EBF1: variants seen among roughly 807,000 people sequenced by gnomAD.
EBF1 encodes the protein transcription factor COE1.
EBF1 carries 10 observed loss-of-function variants against 68.4 expected under a neutral mutation model. The ratio of observed to expected loss-of-function variants is 0.15; its 90% CI spans 0.09 to 0.25. The LOEUF is 0.25. Ranked by LOEUF, EBF1 falls within the 10% of genes least tolerant of loss-of-function variation. EBF1 has a pLI of 1.00. For synonymous variants in EBF1, 298 were observed against 299.8 expected (o/e 0.99, Z 0.06); for missense variants, 509 against 794.4 (o/e 0.64, Z 4.32).
chr5:158,837,848 G>A (rs1789182881), intron 7 of EBF1, among the ~76,000 whole-genome samples: 1 of 152,132 alleles, frequency 6.6e-6, no homozygotes, highest in African/African-American at 2.4e-5. Context: ...TTAGGCATTA[G>A]ACATGTTTAT....
At chr5:158,907,846 C>T (rs550900377) in intron 6 of EBF1, among the ~76,000 whole-genome samples, 7 of 151,922 alleles carry the variant, frequency 4.6e-5, no homozygotes, top group South Asian at 4.2e-4. Context: ...TTGTTCTCAG[C>T]GCATTTATCA....
chr5:158,728,181 C>T (rs1057022522), intron 11 of EBF1, among the ~76,000 whole-genome samples: 12 of 152,288 alleles, frequency 7.9e-5, no homozygotes, highest in South Asian at 4.1e-4. Flanking sequence ...ACTCTCGCTC[C>T]ACTTTAACAT....
chr5:158,735,638 T>C (rs1450278588), intron 10 of EBF1, among the ~76,000 whole-genome samples: 3 of 152,204 alleles, frequency 2.0e-5, no homozygotes, highest in Non-Finnish European at 4.4e-5. Flanking sequence ...GATGTATCTG[T>C]TGTATGCACC....
At chr5:158,959,076 G>A (rs972164611) in intron 6 of EBF1, among the ~76,000 whole-genome samples, 1 of 152,058 alleles carries the variant, frequency 6.6e-6, no homozygotes, top group Non-Finnish European at 1.5e-5. Context: ...TTATTTAAAG[G>A]ACTTCAGTGA....
intron 6 of EBF1, among the ~76,000 whole-genome samples, chr5:159,063,819 T>G (rs1316399154): frequency 1.3e-5 from 2 of 152,200 alleles, no homozygotes; most frequent in African/African-American, 4.8e-5. Flanking sequence ...CTACCTGATT[T>G]TAAGCACCTG....
chr5:158,812,760 T>C (rs1259109671), intron 8 of EBF1, among the ~76,000 whole-genome samples: 3 of 152,148 alleles, frequency 2.0e-5, no homozygotes, highest in Non-Finnish European at 4.4e-5. Flanking sequence ...CCGTATGTAT[T>C]ATCATAATGC....
chr5:158,832,183 T>C (rs1329110103), intron 7 of EBF1, among the ~76,000 whole-genome samples: 1 of 152,242 alleles, frequency 6.6e-6, no homozygotes, highest in Non-Finnish European at 1.5e-5. Flanking sequence ...CTTTAATGTA[T>C]TTTACATTTC....
chr5:158,700,734 CAT>C (rs762483982), intron 15 of EBF1, among the ~76,000 whole-genome samples: 6 of 151,994 alleles, frequency 3.9e-5, no homozygotes, highest in Non-Finnish European at 8.8e-5. Context: ...ATTCAATCCA[CAT>C]GTTTCTGATT....
chr5:159,016,726 G>A (rs1007006450), intron 6 of EBF1, among the ~76,000 whole-genome samples: 23 of 152,136 alleles, frequency 1.5e-4, no homozygotes, highest in African/African-American at 4.8e-4. Context: ...CTAGCCAATC[G>A]AAACCTGAGC....
chr5:158,708,299 C>A lies in EBF1; in HGVS notation c.1550-126G>T, dbSNP rs909490760. 6.3e-6 allele frequency: 6 copies of A among 957,044 alleles called. No homozygotes were observed. In the African/African-American group the frequency reaches 1.0e-4, roughly 16 times the overall value. The allele number at this position is 957,044 out of a possible 1,614,324, so 59.3% of individuals were successfully genotyped here. On this transcript the variant is annotated intron_variant, in intron 14 of 15. Coordinates refer to ENST00000313708, the MANE Select transcript of EBF1 (RefSeq NM_024007.5). ...GCTCAGACGATGCTTCCAGCACAAA[C>A]CTTCCCTGAATTCGCAGGCTCTCAT...
intron 6 of EBF1, among the ~76,000 whole-genome samples, chr5:158,878,913 G>T (rs2128083853): frequency 6.6e-6 from 1 of 152,256 alleles, no homozygotes; most frequent in East Asian, 1.9e-4. Flanking sequence ...CAAAGTGCTT[G>T]CTGGGAGTAC....
chr5:159,009,542 G>A (rs1006500226), intron 6 of EBF1, among the ~76,000 whole-genome samples: 3 of 152,032 alleles, frequency 2.0e-5, no homozygotes, highest in African/African-American at 4.8e-5. Context: ...CTATGAATAC[G>A]AAAAAGATGG....
At chr5:158,789,211 G>A (rs1029839715) in intron 9 of EBF1, among the ~76,000 whole-genome samples, 1 of 151,698 alleles carries the variant, frequency 6.6e-6, no homozygotes, top group Admixed American at 6.6e-5. Context: ...AACATATTTA[G>A]AAAAAAATAG....
chr5:158,820,234 C>T (rs1784558946), intron 8 of EBF1, among the ~76,000 whole-genome samples: 1 of 151,758 alleles, frequency 6.6e-6, no homozygotes, highest in Non-Finnish European at 1.5e-5. Flanking sequence ...ACATGCTTTG[C>T]CGTCTCACCA....
At chr5:158,917,867 A>G (rs1368984461) in intron 6 of EBF1, among the ~76,000 whole-genome samples, 1 of 152,186 alleles carries the variant, frequency 6.6e-6, no homozygotes, top group Non-Finnish European at 1.5e-5. Flanking sequence ...CCATGCAGCA[A>G]AGAGGAAAGG....
chr5:158,710,948 A>G (rs1372948206), intron 14 of EBF1, among the ~76,000 whole-genome samples: 1 of 152,338 alleles, frequency 6.6e-6, no homozygotes, highest in East Asian at 1.9e-4. Context: ...GAGCGAGATC[A>G]AGAGATTGTG....
At chr5:158,855,889 C>T (rs1040692304) in intron 6 of EBF1, among the ~76,000 whole-genome samples, 1 of 152,230 alleles carries the variant, frequency 6.6e-6, no homozygotes, top group Non-Finnish European at 1.5e-5. Flanking sequence ...TGGGACACCC[C>T]CTGCCCTGCT....
chr5:159,023,176 C>A (rs1767044702), intron 6 of EBF1, among the ~76,000 whole-genome samples: 1 of 128,582 alleles, frequency 7.8e-6, no homozygotes, highest in Non-Finnish European at 1.7e-5. Flanking sequence ...CATCAGATGC[C>A]AGAATTTTCT....
At chr5:158,731,239 A>T in intron 10 of EBF1, 82 bp from the exon 11 acceptor site, 2 of 1,309,324 alleles carry the variant, frequency 1.5e-6, no homozygotes, top group East Asian at 4.8e-5. Flanking sequence ...GTGTGGAAAT[A>T]ACCAGGAAGT....
Sources: allele counts gnomAD v4.1 joint callset (sites outside exome capture counted in the v4.1 genomes callset), GRCh38; gene constraint gnomAD v4.1.1; transcripts MANE v1.5; gene names NCBI Gene and HGNC (gene_info 2026-07-23, HGNC 2026-07-21).